Variants in HECW2 observed in about 807,000 individuals in gnomAD.
HECW2 encodes E3 ubiquitin-protein ligase HECW2.
In HECW2, 61 loss-of-function variants were observed where a neutral mutation model predicts 175.2. That is an observed-to-expected ratio of 0.35 (90% CI 0.28 to 0.43). HECW2 has a LOEUF of 0.43. HECW2 is among the 20% of genes least tolerant of loss of function. The probability of loss-of-function intolerance (pLI) is 1.00; values close to 1 mark genes in which losing one functional copy is unlikely to be tolerated. For missense variants in HECW2, 1,524 were observed against 2,000.5 expected (o/e 0.76, Z 4.54); for synonymous variants, 671 against 731.0 (o/e 0.92, Z 1.32).
chr2:196,339,843 G>C (rs997698219), intron 3 of HECW2, among the ~76,000 whole-genome samples: 1 of 152,196 alleles, frequency 6.6e-6, no homozygotes, highest in East Asian at 1.9e-4. Context: ...AGATGAAGCT[G>C]GCCCTCCTCT....
At chr2:196,413,876 G>A (rs1200752038) in intron 2 of HECW2, among the ~76,000 whole-genome samples, 1 of 152,136 alleles carries the variant, frequency 6.6e-6, no homozygotes, top group Admixed American at 6.5e-5. Flanking sequence ...CCTGTTGGCT[G>A]GTGCTGGTCT....
intron 18 of HECW2, among the ~76,000 whole-genome samples, chr2:196,257,504 C>CGGTGG (rs1689106370): frequency 6.6e-6 from 1 of 152,114 alleles, no homozygotes; most frequent in Non-Finnish European, 1.5e-5. Flanking sequence ...GAGGGGTAAA[C>CGGTGG]GGTGGATGCC....
At chr2:196,263,715 C>T (rs978618103) in intron 17 of HECW2, 6 of 151,936 alleles carry the variant, frequency 3.9e-5, no homozygotes, top group African/African-American at 1.2e-4. Context: ...TCTTATGGAC[C>T]CAGAGATATG....
chr2:196,227,858 C>T (rs577096879), intron 22 of HECW2, among the ~76,000 whole-genome samples: 1 of 152,296 alleles, frequency 6.6e-6, no homozygotes, highest in African/African-American at 2.4e-5. Context: ...GAATTCTACC[C>T]AACTCACTTA....
At chr2:196,539,440 G>A (rs1301767337) in intron 1 of HECW2, among the ~76,000 whole-genome samples, 2 of 152,074 alleles carry the variant, frequency 1.3e-5, no homozygotes, top group Non-Finnish European at 2.9e-5. Context: ...AGACCATCCT[G>A]GCTAACATGG....
At chr2:196,308,262 C>G (rs2105714812) in intron 10 of HECW2, 177 bp from the exon 11 acceptor site, 1 of 425,870 alleles carries the variant, frequency 2.3e-6, no homozygotes, top group African/African-American at 2.0e-5. Flanking sequence ...TCTGTTGTGA[C>G]TGATTATTTA....
At position 196,271,041 on chromosome 2, in the gene HECW2, T is replaced by C. The variant is rs1463633454; in HGVS notation, c.3335+152A>G. The C allele has an allele frequency of 5.1e-6, 3 of 593,342 alleles. No individual in the cohort carries two copies. In the African/African-American group the frequency reaches 5.7e-5, roughly 11 times the overall value. 36.8% of individuals were successfully genotyped at this position (593,342 alleles called of 1,614,324 possible). The stretch of plus-strand genomic sequence containing the variant: ...TAATAGAGAGAAGCCAGCACTACAA[T>C]ACCTGGTGATGATGACAAAATATTT... On this transcript the variant is annotated intron_variant, in intron 17 of 28. Coordinates refer to ENST00000644978, the MANE Select transcript of HECW2 (RefSeq NM_001348768.2).
At chr2:196,474,111 C>A (rs1449247699) in intron 1 of HECW2, among the ~76,000 whole-genome samples, 2 of 152,176 alleles carry the variant, frequency 1.3e-5, no homozygotes, top group Non-Finnish European at 2.9e-5. Flanking sequence ...TTCAAAGAAG[C>A]AGTATTTTAA....
chr2:196,496,231 G>A (rs1477973945), intron 1 of HECW2, among the ~76,000 whole-genome samples: 1 of 152,022 alleles, frequency 6.6e-6, no homozygotes, highest in African/African-American at 2.4e-5. Context: ...CTGTGTGTGT[G>A]TGCAGGTGTG....
At chr2:196,585,212 T>C (rs916392440) in intron 1 of HECW2, among the ~76,000 whole-genome samples, 3 of 152,246 alleles carry the variant, frequency 2.0e-5, no homozygotes, top group Admixed American at 6.5e-5. Flanking sequence ...TTTATTCATA[T>C]ATGTGTGGCC....
At chr2:196,508,416 C>A (rs551930233) in intron 1 of HECW2, among the ~76,000 whole-genome samples, 2 of 152,182 alleles carry the variant, frequency 1.3e-5, no homozygotes, top group African/African-American at 4.8e-5. Context: ...TTCAAGATCA[C>A]CATTTAAGAG....
At chr2:196,403,130 C>G (rs1694868124) in intron 2 of HECW2, among the ~76,000 whole-genome samples, 1 of 152,108 alleles carries the variant, frequency 6.6e-6, no homozygotes. Context: ...ATTCTTCTGT[C>G]ATTCTTTCCA....
At chr2:196,389,051 A>G (rs1269015269) in intron 2 of HECW2, among the ~76,000 whole-genome samples, 1 of 152,196 alleles carries the variant, frequency 6.6e-6, no homozygotes, top group African/African-American at 2.4e-5. Context: ...TGAAGCATAA[A>G]TATATTGGCA....
intron 1 of HECW2, among the ~76,000 whole-genome samples, chr2:196,499,969 A>G (rs1209786713): frequency 6.6e-6 from 1 of 151,928 alleles, no homozygotes; most frequent in Non-Finnish European, 1.5e-5. Flanking sequence ...TTACATTTAT[A>G]CTCTTTTCTA....
At chr2:196,229,665 A>G (rs371643632) in intron 21 of HECW2, among the ~76,000 whole-genome samples, 8 of 152,300 alleles carry the variant, frequency 5.3e-5, no homozygotes, top group African/African-American at 1.9e-4. Context: ...GGTGATGGAG[A>G]AAGAACAGCA....
chr2:196,319,461 C>A lies in HECW2; in HGVS notation c.1429G>T (p.Gly477Cys). ...TCCTCCTCCAAGGAAGATGGGTAACCCAGGTCTTGCTGGAACTCGTGATCT... is the reference window on the plus strand; with the variant it reads ...TCCTCCTCCAAGGAAGATGGGTAACACAGGTCTTGCTGGAACTCGTGATCT... ...EEDHEFQQDLGYPSSLEEEGG... is the reference protein window; with the variant it reads ...EEDHEFQQDLCYPSSLEEEGG... Residue 477 changes from glycine to cysteine, a missense_variant, in exon 9 of 29, where the codon GGT (glycine) becomes TGT (cysteine). By Grantham distance (159) the Gly-to-Cys change is radical (BLOSUM62 -3). Coordinates refer to ENST00000644978, the MANE Select transcript of HECW2 (RefSeq NM_001348768.2). 1.2e-6 allele frequency: 2 copies of A among 1,614,026 alleles called. No individual in the cohort carries two copies. Among genetic ancestry groups the A allele is most frequent in the African/African-American group, 2.7e-5 (2 of 75,054 alleles).
chr2:196,491,396 A>ACC (rs1687184165), intron 1 of HECW2, among the ~76,000 whole-genome samples: 1 of 150,456 alleles, frequency 6.6e-6, no homozygotes, highest in Non-Finnish European at 1.5e-5. Flanking sequence ...ACACACACAC[A>ACC]CACACACACA....
intron 1 of HECW2, among the ~76,000 whole-genome samples, chr2:196,575,135 A>T (rs867916775): frequency 6.6e-6 from 1 of 151,666 alleles, no homozygotes; most frequent in Non-Finnish European, 1.5e-5. Flanking sequence ...CATTTTGCAA[A>T]AAAAAAAATA....
At chr2:196,488,447 A>G (rs1330795439) in intron 1 of HECW2, among the ~76,000 whole-genome samples, 2 of 152,220 alleles carry the variant, frequency 1.3e-5, no homozygotes, top group Non-Finnish European at 2.9e-5. Flanking sequence ...TAACTGAATG[A>G]CAATGAGCTC....
Sources: gnomAD v4.1 joint callset for allele counts (sites outside exome capture counted in the v4.1 genomes callset) on GRCh38, gnomAD v4.1.1 for gene constraint, MANE v1.5 for transcripts, NCBI Gene and HGNC (gene_info 2026-07-23, HGNC 2026-07-21) for gene names.